DIS3L2: variants seen among roughly 807,000 people sequenced by gnomAD.
DIS3L2 encodes the protein DIS3 like 3'-5' exoribonuclease 2.
Under a neutral mutation model 97.5 loss-of-function variants are expected in DIS3L2, and 34 were observed. That is an observed-to-expected ratio of 0.35 (90% CI 0.27 to 0.46). DIS3L2 has a LOEUF of 0.46. DIS3L2 is among the 20% of genes least tolerant of loss of function. The pLI is 1.00. For synonymous variants in DIS3L2, 435 were observed against 445.2 expected (o/e 0.98, Z 0.29); for missense variants, 1,038 against 1,146.0 (o/e 0.91, Z 1.36).
At chr2:232,203,551 C>T (rs971146239) in intron 9 of DIS3L2, among the ~76,000 whole-genome samples, 1 of 152,140 alleles carries the variant, frequency 6.6e-6, no homozygotes, top group African/African-American at 2.4e-5. Flanking sequence ...GTCGTTTTTT[C>T]ATTCATCTGT....
At chr2:232,216,832 T>TCCCCG (rs1436707231) in intron 10 of DIS3L2, among the ~76,000 whole-genome samples, 1 of 144,366 alleles carries the variant, frequency 6.9e-6, no homozygotes, top group Non-Finnish European at 1.5e-5. Flanking sequence ...TCCTCTCCTC[T>TCCCCG]CCCCTCCCCT....
intron 5 of DIS3L2, among the ~76,000 whole-genome samples, chr2:232,053,355 AG>A (rs1488099010): frequency 1.3e-5 from 2 of 152,238 alleles, no homozygotes; most frequent in African/African-American, 4.8e-5. Flanking sequence ...CATGTCTAAA[AG>A]GAAACACTGT....
At chr2:232,184,524 G>A (rs112876720) in intron 9 of DIS3L2, among the ~76,000 whole-genome samples, 207 of 152,194 alleles carry the variant, frequency 1.4e-3, no homozygotes, top group Admixed American at 2.3e-3. Flanking sequence ...GGTGGCATGT[G>A]CCTGTAGTCC....
chr2:232,191,896 T>C (rs1691626688), intron 9 of DIS3L2, among the ~76,000 whole-genome samples: 1 of 152,206 alleles, frequency 6.6e-6, no homozygotes, highest in South Asian at 2.1e-4. Context: ...TAGAGTTATT[T>C]TGAAAATATT....
At chr2:232,192,544 GATAGCATTGTACT>G (rs1220688028) in intron 9 of DIS3L2, among the ~76,000 whole-genome samples, 7 of 152,188 alleles carry the variant, frequency 4.6e-5, no homozygotes, top group African/African-American at 1.7e-4. Context: ...TAAAAGACTT[GATAGCATTGTACT>G]TTATGTCATT....
intron 13 of DIS3L2, among the ~76,000 whole-genome samples, chr2:232,266,125 T>G (rs1165943274): frequency 6.6e-6 from 1 of 152,212 alleles, no homozygotes; most frequent in African/African-American, 2.4e-5. Context: ...ATTAAGTATA[T>G]GAAATACTGT....
intron 6 of DIS3L2, among the ~76,000 whole-genome samples, chr2:232,097,568 A>G (rs571316628): frequency 6.6e-6 from 1 of 151,890 alleles, no homozygotes; most frequent in Non-Finnish European, 1.5e-5. Flanking sequence ...ACCAATGTTC[A>G]CTTAAGGCCC....
intron 13 of DIS3L2, among the ~76,000 whole-genome samples, chr2:232,290,894 A>T (rs1694582619): frequency 6.6e-6 from 1 of 152,302 alleles, no homozygotes; most frequent in Non-Finnish European, 1.5e-5. Flanking sequence ...CAGCAGAAGG[A>T]TGTATTTTTC....
intron 16 of DIS3L2, among the ~76,000 whole-genome samples, chr2:232,333,188 TCCTCCTCCTCCTCCTCCTCCTC>T (rs1559218492): frequency 5.5e-4 from 21 of 38,532 alleles, no homozygotes; most frequent in South Asian, 3.1e-3. Flanking sequence ...CTCCTCCTCC[TCCTCCTCCTCCTCCTCCTCCTC>T]CTCCTCCTCC....
chr2:232,039,383 G>A (rs766616921), intron 5 of DIS3L2, among the ~76,000 whole-genome samples: 8 of 152,178 alleles, frequency 5.3e-5, no homozygotes, highest in African/African-American at 7.2e-5. Context: ...AGTCACTAGC[G>A]TGAGCCAATG....
intron 20 of DIS3L2, 49 bp from the exon 21 acceptor site, chr2:232,336,420 G>A (rs764280442): frequency 3.8e-6 from 6 of 1,578,762 alleles, no homozygotes; most frequent in South Asian, 2.3e-5. Flanking sequence ...GCTGCGCCTC[G>A]ACATCAGGCC....
intron 14 of DIS3L2, among the ~76,000 whole-genome samples, chr2:232,311,240 A>G (rs1408392389): frequency 3.3e-5 from 5 of 152,254 alleles, no homozygotes; most frequent in African/African-American, 9.6e-5. Context: ...ACACTGGTCC[A>G]TGTCTCAGCA....
intron 3 of DIS3L2, among the ~76,000 whole-genome samples, chr2:232,022,555 A>C (rs1694547588): frequency 6.6e-6 from 1 of 152,148 alleles, no homozygotes; most frequent in Non-Finnish European, 1.5e-5. Context: ...TTGAGCGACA[A>C]GGGATGATAG....
intron 9 of DIS3L2, among the ~76,000 whole-genome samples, chr2:232,170,308 A>G (rs1303403886): frequency 6.6e-6 from 1 of 152,182 alleles, no homozygotes; most frequent in Non-Finnish European, 1.5e-5. Context: ...TAAAAGCTCA[A>G]TTAAAGTGGA....
At chr2:232,288,506 A>G (rs1387874049) in intron 13 of DIS3L2, among the ~76,000 whole-genome samples, 3 of 152,258 alleles carry the variant, frequency 2.0e-5, no homozygotes, top group Non-Finnish European at 4.4e-5. Context: ...GTCTAGGACC[A>G]TCGGAACCCC....
chr2:232,321,500 G>A (rs546795721), intron 14 of DIS3L2, among the ~76,000 whole-genome samples: 64 of 152,242 alleles, frequency 4.2e-4, no homozygotes, highest in East Asian at 3.1e-3. Flanking sequence ...CACTGCTGCC[G>A]TGGCCCGTGG....
intron 12 of DIS3L2, 121 bp downstream of exon 12, chr2:232,249,467 A>T (rs1317661432): frequency 4.8e-6 from 5 of 1,047,220 alleles, no homozygotes; most frequent in Non-Finnish European, 7.0e-6. Flanking sequence ...GGAGGTATGG[A>T]GTAGCCATCA....
intron 5 of DIS3L2, among the ~76,000 whole-genome samples, chr2:232,041,878 G>GTATT (rs1300241132): frequency 3.3e-5 from 5 of 152,214 alleles, no homozygotes; most frequent in African/African-American, 1.2e-4. Flanking sequence ...TCTCCCACAT[G>GTATT]TATTTGTGCA....
At chr2:232,153,611 T>G (rs1690383279) in intron 8 of DIS3L2, among the ~76,000 whole-genome samples, 1 of 91,988 alleles carries the variant, frequency 1.1e-5, no homozygotes. Context: ...TAACCCGACC[T>G]TTCTCTCTGG....
Sources: gnomAD v4.1 joint callset for allele counts (sites outside exome capture counted in the v4.1 genomes callset) on GRCh38, gnomAD v4.1.1 for gene constraint, MANE v1.5 for transcripts, NCBI Gene and HGNC (gene_info 2026-07-23, HGNC 2026-07-21) for gene names.